The following MUC15 variants were observed in gnomAD, a reference collection of about 807,000 sequenced individuals.
MUC15 encodes mucin 15, cell surface associated.
MUC15 carries 23 observed loss-of-function variants against 24.0 expected under a neutral mutation model. That is an observed-to-expected ratio of 0.96 (90% CI 0.69 to 1.36). MUC15 has a LOEUF of 1.36. Ranked by LOEUF, MUC15 falls within the 40% of genes most tolerant of loss-of-function variation. MUC15 has a pLI of 0.00. For synonymous variants in MUC15, 151 were observed against 156.3 expected (o/e 0.97, Z 0.25); for missense variants, 442 against 428.2 (o/e 1.03, Z -0.29).
At chr11:26,563,427 G>C (rs1850382715) in intron 3 of MUC15, among the ~76,000 whole-genome samples, 162 bp from the exon 4 acceptor site, 1 of 124,798 alleles carries the variant, frequency 8.0e-6, no homozygotes, top group South Asian at 2.6e-4. Context: ...GTGTGTGTGT[G>C]TGTGTCTTGT....
Position 26,564,692 on chromosome 11 carries a change from T to TACAC in MUC15, c.775+469_775+472dup, listed in dbSNP as rs370277580. On this transcript the variant is annotated intron_variant, in intron 3 of 4. Transcript: ENST00000529533. ...ACTCATATATATATACTCATATATA[T>TACAC]ACACACACACACACACACACACACA... Among the ~76,000 whole-genome samples, 118 of 41,106 alleles carry TACAC rather than the reference T, an allele frequency of 2.9e-3. 1 individual carries two copies. The highest frequency in any genetic ancestry group is 0.011 in the East Asian group (12 of 1,090). 27.0% of individuals were successfully genotyped at this position (41,106 alleles called of 152,430 possible).
intron 1 of MUC15, among the ~76,000 whole-genome samples, chr11:26,570,114 T>C (rs1231415352): frequency 6.6e-6 from 1 of 152,128 alleles, no homozygotes; most frequent in Non-Finnish European, 1.5e-5. Flanking sequence ...GATTCTAAAC[T>C]TTCCTGTATA....
chr11:26,571,895 C>A (rs1850841747), intron 1 of MUC15, 146 bp downstream of exon 1: 1 of 172,194 alleles, frequency 5.8e-6, no homozygotes, highest in Admixed American at 6.5e-5. Flanking sequence ...CTACTTGTCT[C>A]TGCAAGGATT....
rs1354712354 is a variant in MUC15, at chr11:26,559,473, G to C, written c.*1592C>G. 2.7e-6 allele frequency: 1 copy of C among 372,662 alleles called. No individual in the cohort carries two copies. Among genetic ancestry groups the C allele is most frequent in the African/African-American group, 2.1e-5 (1 of 48,690 alleles). The allele number at this position is 372,662 out of a possible 1,614,324, so 23.1% of individuals were successfully genotyped here. A position where few individuals can be genotyped will look rare whatever the true frequency, so the allele number is the denominator to read the frequency against. On this transcript the variant is annotated 3_prime_UTR_variant, in exon 5 of 5. Coordinates refer to ENST00000529533, the MANE Select transcript of MUC15 (RefSeq NM_001135091.2). ...GAATTATTTATAATCAGAAATGATG[G>C]TGGGGTATAAAGGGAATCAAGAGAG...
At chr11:26,566,903 C>A in intron 2 of MUC15, 149 bp downstream of exon 2, 1 of 561,800 alleles carries the variant, frequency 1.8e-6, no homozygotes. Context: ...ACTGAATGGG[C>A]TGACTTAGGT....
chr11:26,564,692 T>TATATAC lies in MUC15; in HGVS notation c.775+472_775+473insGTATAT, dbSNP rs1554970707. 1.0e-3 allele frequency among the ~76,000 whole-genome samples: 42 copies of TATATAC among 41,124 alleles called. 2 individuals carry two copies. The highest frequency in any genetic ancestry group is 9.1e-3 in the Admixed American group (29 of 3,174). The allele number at this position is 41,124 out of a possible 152,430, so 27.0% of individuals were successfully genotyped here. A position where few individuals can be genotyped will look rare whatever the true frequency, so the allele number is the denominator to read the frequency against. On this transcript the variant is annotated intron_variant, in intron 3 of 4. Transcript: ENST00000529533. ...ACTCATATATATATACTCATATATA[T>TATATAC]ACACACACACACACACACACACACA...
chr11:26,565,871 T>G lies in MUC15; in HGVS notation c.69A>C (p.Pro23=). ...DCYSFKKKPI[P]KKPTMLALAK... is the part of the protein sequence containing the mutation. Reference sequence around the variant, plus strand: ...CTAAGGCCAACATTGTAGGCTTCTTTGGTATTGGTTTTTTTTTAAAGGAAT... The same window carrying G: ...CTAAGGCCAACATTGTAGGCTTCTTGGGTATTGGTTTTTTTTTAAAGGAAT... Residue 23 remains proline (P), a synonymous_variant, in exon 3 of 5, where the codon CCA becomes CCC. Coordinates refer to ENST00000529533, the MANE Select transcript of MUC15 (RefSeq NM_001135091.2). 3.2e-6 allele frequency: 5 copies of G among 1,580,654 alleles called. No homozygotes were observed. Among genetic ancestry groups the G allele is most frequent in the Non-Finnish European group, 4.3e-6 (5 of 1,170,936 alleles).
chr11:26,569,475 C>G (rs1015217909), intron 1 of MUC15, among the ~76,000 whole-genome samples: 2 of 152,052 alleles, frequency 1.3e-5, no homozygotes, highest in Admixed American at 6.6e-5. Flanking sequence ...GCCACTTACT[C>G]AGGTTCCTTT....
intron 1 of MUC15, among the ~76,000 whole-genome samples, chr11:26,569,250 G>A (rs542661511): frequency 2.0e-5 from 3 of 152,222 alleles, no homozygotes; most frequent in South Asian, 4.1e-4. Context: ...CCAAACGTGC[G>A]AAGCACTCTG....
intron 3 of MUC15, 128 bp from the exon 4 acceptor site, chr11:26,563,393 CTCTGTGTGTGTGTGTGTGTGTG>C: frequency 1.2e-6 from 1 of 825,500 alleles, no homozygotes; most frequent in Non-Finnish European, 1.7e-6. Flanking sequence ...GTGTTTCTCT[CTCTGTGTGTGTGTGTGTGTGTG>C]TGTGTGTGTG....
intron 1 of MUC15, among the ~76,000 whole-genome samples, chr11:26,571,147 T>C (rs1850808926): frequency 1.3e-5 from 2 of 152,090 alleles, no homozygotes; most frequent in African/African-American, 4.8e-5. Flanking sequence ...AATTCAGTAC[T>C]TAACTAATTA....
At chr11:26,571,059 A>C (rs1850804970) in intron 1 of MUC15, among the ~76,000 whole-genome samples, 2 of 152,130 alleles carry the variant, frequency 1.3e-5, no homozygotes, top group Admixed American at 1.3e-4. Context: ...TTCTGGCTAA[A>C]AGACTTAGGC....
At chr11:26,571,055 C>T (rs1850804603) in intron 1 of MUC15, among the ~76,000 whole-genome samples, 1 of 152,004 alleles carries the variant, frequency 6.6e-6, no homozygotes, top group African/African-American at 2.4e-5. Flanking sequence ...ATTATTCTGG[C>T]TAAAAGACTT....
Position 26,560,673 on chromosome 11 carries a change from AC to A in MUC15, c.*391del, listed in dbSNP as rs1850252590. 2 of 156,532 alleles carry A rather than the reference AC, an allele frequency of 1.3e-5. No homozygotes were observed. The highest frequency in any genetic ancestry group is 2.8e-5 in the Non-Finnish European group (2 of 70,912). 9.7% of individuals were successfully genotyped at this position (156,532 alleles called of 1,614,324 possible). On this transcript the variant is annotated 3_prime_UTR_variant, in exon 5 of 5. Transcript: ENST00000529533. ...AGAAAATGCAATCTTGAATTATGGT[AC>A]TAGGGCTTCAGGCAGAGCAGTAAAG...
Position 26,565,864 on chromosome 11 carries a change from G to C in MUC15, c.76C>G (p.Pro26Ala), listed in dbSNP as rs367607457. Residue 26 changes from proline to alanine, a missense_variant, in exon 3 of 5, where the codon CCT (proline) becomes GCT (alanine). By Grantham distance (27) the Pro-to-Ala change is conservative. Coordinates refer to ENST00000529533, the MANE Select transcript of MUC15 (RefSeq NM_001135091.2). Reference protein sequence around the residue: ...SFKKKPIPKKPTMLALAKILL... With the variant: ...SFKKKPIPKKATMLALAKILL... ...ATTTTGGCTAAGGCCAACATTGTAG[G>C]CTTCTTTGGTATTGGTTTTTTTTTA... 1.1e-4 allele frequency: 170 copies of C among 1,591,666 alleles called. No homozygotes were observed. Among genetic ancestry groups the C allele is most frequent in the Non-Finnish European group, 1.3e-4 (149 of 1,173,916 alleles).
chr11:26,565,089 C>A, intron 3 of MUC15, 76 bp downstream of exon 3: 1 of 1,385,594 alleles, frequency 7.2e-7, no homozygotes, highest in Non-Finnish European at 9.7e-7. Context: ...CATGGTGATT[C>A]CTTAGACTTA....
In MUC15 at chr11:26,571,760, T is replaced by C. The variant is rs529926238; in HGVS notation, c.-46+281A>G. Among the ~76,000 whole-genome samples, 6 of 152,328 alleles carry C rather than the reference T, an allele frequency of 3.9e-5. No homozygotes were observed. The South Asian group carries it at 1.2e-3, about 32-fold the overall frequency. ...TTCTATTTCATAGTCACGTATGTTT[T>C]AAATAAGGCTTTTATTTAACTCTTC... On this transcript the variant is annotated intron_variant, in intron 1 of 4. Transcript: ENST00000529533.
At position 26,565,516 on chromosome 11, in the gene MUC15, T is replaced by C; in HGVS notation, c.424A>G (p.Ser142Gly). ...TISTSPPLIH[S>G]FVSKVPWNAP... The stretch of plus-strand genomic sequence containing the variant: ...TTCCAAGGCACTTTAGAAACAAAGC[T>C]ATGGATCAAGGGAGGGCTTGTGGAA... Residue 142 changes from serine to glycine, a missense_variant, in exon 3 of 5, where the codon AGC becomes GGC. By Grantham distance (56) the Ser-to-Gly change is moderately conservative. Transcript: ENST00000529533. The C allele has an allele frequency of 6.2e-7, 1 of 1,613,324 alleles. No homozygotes were observed. The highest frequency in any genetic ancestry group is 8.5e-7 in the Non-Finnish European group (1 of 1,179,520).
Position 26,568,420 on chromosome 11 carries a change from A to G in MUC15, c.-45-1281T>C, listed in dbSNP as rs531453246. Among the ~76,000 whole-genome samples the G allele has an allele frequency of 8.5e-5, 13 of 152,084 alleles. 1 individual carries two copies. The highest frequency in any genetic ancestry group is 3.1e-4 in the African/African-American group (13 of 41,532). On this transcript the variant is annotated intron_variant, in intron 1 of 4. Transcript: ENST00000529533. ...TTCATGTTTGTAACATAAGTTGCAA[A>G]GGAATATAGAATTTGGTACACAGCT...
Sources: allele counts gnomAD v4.1 joint callset (sites outside exome capture counted in the v4.1 genomes callset), GRCh38; gene constraint gnomAD v4.1.1; transcripts MANE v1.5; gene names NCBI Gene and HGNC (gene_info 2026-07-23, HGNC 2026-07-21).